The following AGBL4 variants were observed in gnomAD, a reference collection of about 807,000 sequenced individuals.
The protein encoded by AGBL4 is cytosolic carboxypeptidase 6.
AGBL4 carries 58 observed loss-of-function variants against 66.4 expected under a neutral mutation model. That is an observed-to-expected ratio of 0.87 (90% confidence interval 0.71 to 1.09). The LOEUF is 1.09. AGBL4 is among the 50% of genes least tolerant of loss of function. AGBL4 has a pLI of 0.00. For synonymous variants in AGBL4, 234 were observed against 222.9 expected, an observed-to-expected ratio of 1.05 and a Z score of -0.44; for missense variants, 579 against 631.0, an observed-to-expected ratio of 0.92 and a Z score of 0.88.
At chr1:49,993,354 G>A (rs924435217) in intron 1 of AGBL4, among the ~76,000 whole-genome samples, 8 of 152,148 alleles carry the variant, frequency 5.3e-5, no homozygotes, top group Non-Finnish European at 1.5e-5. Context: ...AGCCTTCAAT[G>A]GACTAGATTA....
intron 2 of AGBL4, among the ~76,000 whole-genome samples, chr1:49,775,088 T>G (rs1165667099): frequency 1.3e-5 from 2 of 152,102 alleles, no homozygotes; most frequent in Non-Finnish European, 2.9e-5. Flanking sequence ...AATGGAAATA[T>G]TTACAAGATA....
chr1:49,674,273 G>C (rs2124536806), intron 3 of AGBL4, among the ~76,000 whole-genome samples: 1 of 152,010 alleles, frequency 6.6e-6, no homozygotes, highest in Admixed American at 6.6e-5. Context: ...AATGAGGCTA[G>C]AAACATTAGG....
intron 3 of AGBL4, among the ~76,000 whole-genome samples, chr1:49,542,126 C>A (rs1377392263): frequency 6.6e-6 from 1 of 152,188 alleles, no homozygotes; most frequent in Non-Finnish European, 1.5e-5. Flanking sequence ...TCAAAACAGA[C>A]CAATCAGCTC....
chr1:49,355,119 C>G (rs991423855), intron 3 of AGBL4, among the ~76,000 whole-genome samples: 3 of 152,154 alleles, frequency 2.0e-5, no homozygotes, highest in Non-Finnish European at 2.9e-5. Flanking sequence ...GTGGCCCTAG[C>G]CAGGAATCAA....
At chr1:50,001,416 T>A (rs1418565509) in intron 1 of AGBL4, among the ~76,000 whole-genome samples, 1 of 120,144 alleles carries the variant, frequency 8.3e-6, no homozygotes, top group Non-Finnish European at 1.7e-5. Context: ...AAAAAAATAA[T>A]TTGTGTGTGT....
At chr1:49,577,783 T>C (rs375997673) in intron 3 of AGBL4, among the ~76,000 whole-genome samples, 6 of 152,326 alleles carry the variant, frequency 3.9e-5, no homozygotes, top group Non-Finnish European at 5.9e-5. Flanking sequence ...ATTGATAGAA[T>C]GATGGAATGG....
chr1:48,553,647 C>G (rs1208712326), intron 11 of AGBL4, among the ~76,000 whole-genome samples: 4 of 152,052 alleles, frequency 2.6e-5, no homozygotes, highest in African/African-American at 9.7e-5. Flanking sequence ...ATACTACTGA[C>G]AAACTGTGTA....
chr1:49,394,612 G>T (rs1158274439), intron 3 of AGBL4, among the ~76,000 whole-genome samples: 2 of 152,072 alleles, frequency 1.3e-5, no homozygotes, highest in Non-Finnish European at 2.9e-5. Context: ...AAAGAAAAAC[G>T]TAAACCCTGA....
At chr1:49,055,359 T>C (rs1302080854) in intron 4 of AGBL4, among the ~76,000 whole-genome samples, 2 of 152,072 alleles carry the variant, frequency 1.3e-5, no homozygotes, top group Non-Finnish European at 2.9e-5. Flanking sequence ...GAAATATTTA[T>C]ATATTTCAAT....
intron 1 of AGBL4, among the ~76,000 whole-genome samples, chr1:49,935,149 T>C (rs955969046): frequency 6.6e-6 from 1 of 152,170 alleles, no homozygotes; most frequent in Non-Finnish European, 1.5e-5. Flanking sequence ...GCTTTTCCGA[T>C]GGGCTTAAAA....
chr1:49,160,782 A>G (rs1646525377), intron 4 of AGBL4, among the ~76,000 whole-genome samples: 1 of 152,162 alleles, frequency 6.6e-6, no homozygotes, highest in Non-Finnish European at 1.5e-5. Flanking sequence ...CAGTCTGGCC[A>G]CAGCGGCCTT....
chr1:49,601,253 T>C (rs1173761771), intron 3 of AGBL4, among the ~76,000 whole-genome samples: 4 of 152,198 alleles, frequency 2.6e-5, no homozygotes, highest in Admixed American at 2.6e-4. Context: ...TCCCATCACA[T>C]TCAGGAACAC....
chr1:49,660,345 A>G (rs770424774), intron 3 of AGBL4, among the ~76,000 whole-genome samples: 2 of 152,186 alleles, frequency 1.3e-5, no homozygotes, highest in African/African-American at 4.8e-5. Context: ...AACAAACATG[A>G]AAAAAAGCTT....
At chr1:49,846,840 G>A (rs1013013529) in intron 2 of AGBL4, among the ~76,000 whole-genome samples, 1 of 152,102 alleles carries the variant, frequency 6.6e-6, no homozygotes, top group Non-Finnish European at 1.5e-5. Context: ...TACTGTTAAA[G>A]TGATCACACT....
At chr1:49,734,145 A>G (rs530178626) in intron 2 of AGBL4, among the ~76,000 whole-genome samples, 2 of 152,268 alleles carry the variant, frequency 1.3e-5, no homozygotes, top group East Asian at 1.9e-4. Flanking sequence ...CTCAAACTGT[A>G]TATGTGGGCT....
At chr1:49,465,031 A>T (rs1646595556) in intron 3 of AGBL4, among the ~76,000 whole-genome samples, 1 of 151,758 alleles carries the variant, frequency 6.6e-6, no homozygotes, top group African/African-American at 2.4e-5. Context: ...CTCACAAAGA[A>T]CACTGGCATT....
intron 3 of AGBL4, among the ~76,000 whole-genome samples, chr1:49,457,584 C>CT (rs896165560): frequency 1.8e-4 from 27 of 151,542 alleles, no homozygotes; most frequent in African/African-American, 5.6e-4. Flanking sequence ...ATCTTTTTAT[C>CT]TTTGTTTTTG....
At chr1:49,432,900 A>T (rs776525630) in intron 3 of AGBL4, among the ~76,000 whole-genome samples, 2 of 152,220 alleles carry the variant, frequency 1.3e-5, no homozygotes, top group Non-Finnish European at 2.9e-5. Flanking sequence ...GGGTTGGGAC[A>T]TTCAGTTGCA....
chr1:49,546,738 T>A (rs1652522246), intron 3 of AGBL4, among the ~76,000 whole-genome samples: 1 of 152,222 alleles, frequency 6.6e-6, no homozygotes, highest in Non-Finnish European at 1.5e-5. Flanking sequence ...TGGTTTTGAT[T>A]TGCATTTCCC....
Sources: allele counts gnomAD v4.1 joint callset (sites outside exome capture counted in the v4.1 genomes callset), GRCh38; gene constraint gnomAD v4.1.1; transcripts MANE v1.5; gene names NCBI Gene and HGNC (gene_info 2026-07-23, HGNC 2026-07-21).